Variants in MYO9B observed in about 807,000 individuals in gnomAD.
MYO9B encodes unconventional myosin-IXb.
MYO9B carries 71 observed loss-of-function variants against 229.5 expected under a neutral mutation model. The ratio of observed to expected loss-of-function variants is 0.31; its 90% CI spans 0.26 to 0.38. The LOEUF (loss-of-function observed/expected upper bound fraction) is 0.38, where lower values mean the gene tolerates loss of function less well. MYO9B is among the 10% of genes least tolerant of loss of function. The pLI, the probability that MYO9B is intolerant of heterozygous loss-of-function variation, is 1.00. For synonymous variants in MYO9B, 1,185 were observed against 1,235.8 expected (o/e 0.96, Z 0.86); for missense variants, 2,255 against 2,920.5 (o/e 0.77, Z 5.25).
chr19:17,110,654 C>T (rs2057838879), intron 2 of MYO9B, among the ~76,000 whole-genome samples: 1 of 152,170 alleles, frequency 6.6e-6, no homozygotes, highest in African/African-American at 2.4e-5. Flanking sequence ...AAATAAGGAT[C>T]CTTGCTTGTC....
chr19:17,169,236 G>T (rs1279244260), intron 11 of MYO9B, among the ~76,000 whole-genome samples: 40 of 152,044 alleles, frequency 2.6e-4, no homozygotes, highest in Admixed American at 2.6e-3. Context: ...GCCGGGCATG[G>T]TGACAGGCGC....
rs1175838761 is a variant in MYO9B, at chr19:17,191,106, G to A, written c.2698G>A (p.Glu900Lys). The stretch of plus-strand genomic sequence containing the variant: ...CACCCAAATAACCTAGGATTTCACC[G>A]AGCAGTTCCAGGTGCTCCTGCCCAA... Reference protein sequence around the residue: ...SAKYTFQDFTEQFQVLLPKDA... With the variant: ...SAKYTFQDFTKQFQVLLPKDA... The change falls in exon 20 of 40, where the codon GAG (glutamate) becomes AAG (lysine). Residue 900 changes from glutamate (E) to lysine (K), a missense_variant. Physicochemically the swap from Glu to Lys is moderately conservative, Grantham distance 56. Around this residue, in one of 7 missense-constraint regions of MYO9B, gnomAD observed 68 missense variants for 133.5 expected, o/e 0.51. Coordinates refer to ENST00000682292, the MANE Select transcript of MYO9B (RefSeq NM_004145.4). The A allele has an allele frequency of 8.7e-6, 14 of 1,612,136 alleles. No individual in the cohort carries two copies. In the African/African-American group the frequency reaches 1.5e-4, roughly 17 times the overall value.
chr19:17,168,530 A>G (rs2072685819), intron 11 of MYO9B, among the ~76,000 whole-genome samples: 1 of 152,208 alleles, frequency 6.6e-6, no homozygotes, highest in Admixed American at 6.5e-5. Flanking sequence ...TGTGTGCAAA[A>G]TGCACAAACA....
chr19:17,202,601 C>T (rs2073119699), intron 28 of MYO9B, among the ~76,000 whole-genome samples: 1 of 152,242 alleles, frequency 6.6e-6, no homozygotes, highest in Non-Finnish European at 1.5e-5. Context: ...GCCATGCCCA[C>T]CTATACCATG....
chr19:17,181,114 C>T (rs1195928185), intron 15 of MYO9B, 74 bp downstream of exon 15: 1 of 1,041,342 alleles, frequency 9.6e-7, no homozygotes, highest in African/African-American at 1.6e-5. Flanking sequence ...CCGGCGGGGC[C>T]TGCAGTCTTC....
At chr19:17,184,760 G>T in intron 16 of MYO9B, 105 bp from the exon 17 acceptor site, 1 of 1,477,754 alleles carries the variant, frequency 6.8e-7, no homozygotes, top group East Asian at 2.4e-5. Context: ...CCGGGCACTC[G>T]CTGCGGGGAC....
In MYO9B at chr19:17,206,838, C is replaced by T. The variant is rs189815126; in HGVS notation, c.5492+54C>T. Reference sequence around the variant, plus strand: ...GGGTTAGGGTCGCATTGGGAACCCGCGAGGCAGCATTTCCCAGGAGGACCC... The same window carrying T: ...GGGTTAGGGTCGCATTGGGAACCCGTGAGGCAGCATTTCCCAGGAGGACCC... On this transcript the variant is annotated intron_variant, in intron 34 of 39. Coordinates refer to ENST00000682292, the MANE Select transcript of MYO9B (RefSeq NM_004145.4). The T allele has an allele frequency of 6.3e-6, 9 of 1,433,194 alleles. No homozygotes were observed. The East Asian group carries it at 1.2e-4, about 20-fold the overall frequency. The allele number at this position is 1,433,194 out of a possible 1,614,324, so 88.8% of individuals were successfully genotyped here. A position where few individuals can be genotyped will look rare whatever the true frequency, so the allele number is the denominator to read the frequency against.
At chr19:17,190,975 A>T in intron 19 of MYO9B, 122 bp from the exon 20 acceptor site, 3 of 1,072,668 alleles carry the variant, frequency 2.8e-6, no homozygotes, top group South Asian at 3.3e-5. Context: ...GAAATTTTAG[A>T]TTTGTCATTA....
Position 17,211,634 on chromosome 19 carries a change from C to CT in MYO9B, c.5931-8dup. 1 of 1,589,458 alleles carries CT rather than the reference C, an allele frequency of 6.3e-7. No homozygotes were observed. Among genetic ancestry groups the CT allele is most frequent in the Non-Finnish European group, 8.6e-7 (1 of 1,167,814 alleles). On this transcript the variant is annotated splice_polypyrimidine_tract_variant and intron_variant, in intron 38 of 39. Transcript: ENST00000682292. The stretch of plus-strand genomic sequence containing the variant: ...TGGGGTGGCCTTGGACACCACTACC[C>CT]TTTTTCCTCCAGGGAGGACATCACC...
intron 1 of MYO9B, among the ~76,000 whole-genome samples, chr19:17,095,075 C>A (rs1468763081): frequency 1.3e-5 from 2 of 152,116 alleles, no homozygotes; most frequent in Non-Finnish European, 2.9e-5. Context: ...TCTGTCTCTA[C>A]CAAAAATAGA....
Position 17,190,391 on chromosome 19 carries a change from G to A in MYO9B, c.2689-706G>A, listed in dbSNP as rs1260307849. ...GTAGAGACAGGGTTTTGCCATGTTGGCCAGGCTGGTCTCATTGGTTGAGCT... is the reference window on the plus strand; with the variant it reads ...GTAGAGACAGGGTTTTGCCATGTTGACCAGGCTGGTCTCATTGGTTGAGCT... On this transcript the variant is annotated intron_variant, in intron 19 of 39. Coordinates refer to ENST00000682292, the MANE Select transcript of MYO9B (RefSeq NM_004145.4). Among the ~76,000 whole-genome samples, 7 of 149,896 alleles carry A rather than the reference G, an allele frequency of 4.7e-5. No individual in the cohort carries two copies. In the South Asian group the frequency reaches 1.1e-3, roughly 23 times the overall value.
Position 17,145,511 on chromosome 19 carries a change from C to T in MYO9B, c.935+20C>T. 6.2e-7 allele frequency: 1 copy of T among 1,605,262 alleles called. No individual in the cohort carries two copies. Among genetic ancestry groups the T allele is most frequent in the Non-Finnish European group, 8.5e-7 (1 of 1,172,066 alleles). On this transcript the variant is annotated intron_variant, in intron 3 of 39. Transcript: ENST00000682292. ...GAGAGGGTGAGGTGTCCCTGGGGTC[C>T]CCACTGGTGGGAGCTGGCCCCACGC...
chr19:17,184,139 G>A (rs1220274190), intron 16 of MYO9B: 5 of 508,912 alleles, frequency 9.8e-6, no homozygotes, highest in Non-Finnish European at 1.4e-5. Context: ...GGGTGAGGGA[G>A]GAAGCTAGGG....
intron 1 of MYO9B, among the ~76,000 whole-genome samples, chr19:17,080,468 C>G (rs2057524467): frequency 6.6e-6 from 1 of 152,158 alleles, no homozygotes; most frequent in African/African-American, 2.4e-5. Flanking sequence ...CATCGTCCTC[C>G]CTCTGTGCCT....
intron 18 of MYO9B, among the ~76,000 whole-genome samples, chr19:17,186,591 C>T (rs1238584264): frequency 1.3e-5 from 2 of 152,172 alleles, no homozygotes; most frequent in African/African-American, 4.8e-5. Context: ...TGCACCTTCT[C>T]TGCTCGTGGG....
chr19:17,140,531 C>T (rs1439397319), intron 2 of MYO9B, among the ~76,000 whole-genome samples: 2 of 151,758 alleles, frequency 1.3e-5, no homozygotes, highest in African/African-American at 2.4e-5. Flanking sequence ...TCTTATTGCC[C>T]AGGCTGGAGT....
chr19:17,181,573 A>G (rs1018158120), intron 15 of MYO9B, among the ~76,000 whole-genome samples: 1 of 151,840 alleles, frequency 6.6e-6, no homozygotes. Flanking sequence ...TGGGGTAATG[A>G]CTCTCATGCT....
At chr19:17,157,131 C>T (rs1450344385) in intron 7 of MYO9B, 93 bp downstream of exon 7, 6 of 1,451,906 alleles carry the variant, frequency 4.1e-6, no homozygotes, top group Non-Finnish European at 5.5e-6. Flanking sequence ...CTTCCTACGT[C>T]AGCTGAGGTT....
At position 17,145,454 on chromosome 19, in the gene MYO9B, A is replaced by C. The variant is rs766211331; in HGVS notation, c.898A>C (p.Ile300Leu). 6.2e-7 allele frequency: 1 copy of C among 1,614,008 alleles called. No homozygotes were observed. Among genetic ancestry groups the C allele is most frequent in the Non-Finnish European group, 8.5e-7 (1 of 1,179,882 alleles). The change falls in exon 3 of 40, where the codon ATC becomes CTC. Residue 300 changes from isoleucine to leucine, a missense_variant. This residue lies in a region of MYO9B where 386 missense variants were observed against 515.2 expected (regional missense o/e 0.75). Transcript: ENST00000682292. The part of the protein sequence containing the change: ...NNNSSRFGKF[I>L]QVSYLESGIV... Reference sequence around the variant, plus strand: ...CAACTCCAGCCGGTTTGGGAAATTCATCCAAGTCAGCTACCTAGAGAGTGG... The same window carrying C: ...CAACTCCAGCCGGTTTGGGAAATTCCTCCAAGTCAGCTACCTAGAGAGTGG...
Sources: allele counts gnomAD v4.1 joint callset (sites outside exome capture counted in the v4.1 genomes callset), GRCh38; gene constraint gnomAD v4.1.1; regional missense constraint gnomAD v4.1.1; transcripts MANE v1.5; gene names NCBI Gene and HGNC (gene_info 2026-07-23, HGNC 2026-07-21).